BICDL1: variants seen among roughly 807,000 people sequenced by gnomAD.
BICDL1 encodes the protein BICD family like cargo adaptor 1.
A neutral mutation model predicts 76.8 loss-of-function variants in BICDL1; 20 were observed. That is an observed-to-expected ratio of 0.26 (90% CI 0.18 to 0.38). The LOEUF (loss-of-function observed/expected upper bound fraction) is 0.38, where lower values mean the gene tolerates loss of function less well. BICDL1 is among the 10% of genes least tolerant of loss of function. The pLI is 1.00. For synonymous variants in BICDL1, 383 were observed against 337.1 expected (o/e 1.14, Z -1.49); for missense variants, 700 against 798.6 (o/e 0.88, Z 1.49).
At chr12:120,078,063 C>A (rs893076972) in intron 7 of BICDL1, among the ~76,000 whole-genome samples, 2 of 152,210 alleles carry the variant, frequency 1.3e-5, no homozygotes, top group African/African-American at 4.8e-5. Flanking sequence ...GCCTTCTCCC[C>A]AGCTTTCTCT....
rs372486637 is a variant in BICDL1 at position 120,072,584 on chromosome 12, C to G, written c.1163C>G (p.Ala388Gly). The G allele has an allele frequency of 1.2e-6, 2 of 1,614,108 alleles. No homozygotes were observed. The highest frequency in any genetic ancestry group is 1.7e-6 in the Non-Finnish European group (2 of 1,180,044). The part of the protein sequence containing the change: ...LCSHLRGNDS[A>G]DSAVSTDSSM... The stretch of plus-strand genomic sequence containing the variant: ...TCACACCTTCGAGGCAATGACAGTG[C>G]TGACTCAGCCGTCTCCACGGACTCC... The change falls in exon 6 of 10, where the codon GCT becomes GGT. Residue 388 changes from alanine to glycine, a missense_variant. Ala to Gly is a moderately conservative substitution (Grantham distance 60). This residue lies in a region of BICDL1 where 455 missense variants were observed against 548.7 expected (regional missense o/e 0.83). Transcript: ENST00000548673.
chr12:120,044,490 C>A (rs534605797), intron 2 of BICDL1, among the ~76,000 whole-genome samples: 2 of 152,200 alleles, frequency 1.3e-5, no homozygotes, highest in Non-Finnish European at 2.9e-5. Flanking sequence ...TTAAAGTTTG[C>A]TGAGTAGAAT....
At position 120,027,592 on chromosome 12, in the gene BICDL1, C is replaced by T. The variant is rs930567895; in HGVS notation, c.645+28856C>T. Among the ~76,000 whole-genome samples the T allele has an allele frequency of 1.8e-4, 27 of 152,136 alleles. 1 individual carries two copies. Among genetic ancestry groups the T allele is most frequent in the Admixed American group, 1.2e-3 (19 of 15,264 alleles). The stretch of plus-strand genomic sequence containing the variant: ...CCCAAAGTTGATCATCCGGGTCCTG[C>T]GCAAACTCATACTGTTGTCACTTTC... On this transcript the variant is annotated intron_variant, in intron 2 of 9. Coordinates refer to ENST00000548673, the MANE Select transcript of BICDL1 (RefSeq NM_001367886.1).
At chr12:120,026,931 GGT>G (rs1369186364) in intron 2 of BICDL1, among the ~76,000 whole-genome samples, 2 of 152,040 alleles carry the variant, frequency 1.3e-5, no homozygotes, top group African/African-American at 4.8e-5. Context: ...ATTAAACTGA[GGT>G]GGGAATTCCA....
In BICDL1 at chr12:120,072,489, ATAG is replaced by A; in HGVS notation, c.1090-19_1090-17del. The A allele has an allele frequency of 6.2e-7, 1 of 1,611,830 alleles. No homozygotes were observed. Among genetic ancestry groups the A allele is most frequent in the Non-Finnish European group, 8.5e-7 (1 of 1,177,936 alleles). On this transcript the variant is annotated intron_variant, in intron 5 of 9. Transcript: ENST00000548673. ...CAGTCTTCTCTAGAGTCTGAAATGA[ATAG>A]TAATTCTCTGTGGAACAGCTGAGAC...
At chr12:119,997,432 A>G (rs1951673630) in intron 1 of BICDL1, among the ~76,000 whole-genome samples, 2 of 152,318 alleles carry the variant, frequency 1.3e-5, no homozygotes, top group South Asian at 4.1e-4. Flanking sequence ...GAACGTCCCT[A>G]GGACTGTGCT....
At chr12:119,996,252 C>G (rs1043041146) in intron 1 of BICDL1, among the ~76,000 whole-genome samples, 5 of 152,170 alleles carry the variant, frequency 3.3e-5, no homozygotes, top group African/African-American at 1.2e-4. Flanking sequence ...TAATTTTCTA[C>G]TGCTGTTTTT....
chr12:120,064,947 A>G, intron 4 of BICDL1, 68 bp downstream of exon 4: 1 of 1,515,816 alleles, frequency 6.6e-7, no homozygotes, highest in Non-Finnish European at 8.8e-7. Flanking sequence ...CCAAAAAGAA[A>G]AGGCTGGGAG....
intron 2 of BICDL1, among the ~76,000 whole-genome samples, chr12:120,013,171 G>A (rs894254563): frequency 2.6e-5 from 4 of 151,914 alleles, no homozygotes; most frequent in South Asian, 2.1e-4. Flanking sequence ...AAAATTAGCC[G>A]GGTCTGGTGG....
intron 2 of BICDL1, among the ~76,000 whole-genome samples, chr12:120,028,187 T>C (rs1024663502): frequency 9.9e-5 from 15 of 152,230 alleles, no homozygotes; most frequent in African/African-American, 3.6e-4. Flanking sequence ...TCTGTCATTA[T>C]CTGGGACTAC....
chr12:120,021,942 AAAT>A (rs1952192931), intron 2 of BICDL1, among the ~76,000 whole-genome samples: 2 of 149,170 alleles, frequency 1.3e-5, no homozygotes, highest in African/African-American at 2.4e-5. Context: ...TAAAAAAATA[AAAT>A]AATAAAAATA....
At chr12:120,092,517 A>G in intron 9 of BICDL1, 2 of 985,430 alleles carry the variant, frequency 2.0e-6, no homozygotes, top group Non-Finnish European at 2.4e-6. Flanking sequence ...AATAATTGGA[A>G]AGGAAAAGGC....
At chr12:120,091,435 A>G (rs79941593) in intron 9 of BICDL1, 5 of 1,004,192 alleles carry the variant, frequency 5.0e-6, no homozygotes, top group East Asian at 1.0e-4. Context: ...GCATTCCTAC[A>G]TTGGATTTAG....
intron 3 of BICDL1, 80 bp from the exon 4 acceptor site, chr12:120,064,653 G>A: frequency 1.4e-6 from 2 of 1,417,274 alleles, no homozygotes; most frequent in Middle Eastern, 2.5e-4. Flanking sequence ...TTGCCTTCAT[G>A]TTTTGGGGCT....
chr12:119,994,494 ACT>A (rs1023218513), intron 1 of BICDL1, among the ~76,000 whole-genome samples: 65 of 148,212 alleles, frequency 4.4e-4, no homozygotes, highest in East Asian at 5.9e-4. Flanking sequence ...TTTTAAATAG[ACT>A]CTTTTTTTTT....
chr12:120,040,094 C>T (rs1319466025), intron 2 of BICDL1, among the ~76,000 whole-genome samples: 2 of 149,464 alleles, frequency 1.3e-5, no homozygotes, highest in African/African-American at 5.1e-5. Context: ...ATTTCTTTTT[C>T]TTTTCTTTTC....
At chr12:120,061,667 T>A (rs1242249714) in intron 2 of BICDL1, 43 bp from the exon 3 acceptor site, 2 of 1,356,790 alleles carry the variant, frequency 1.5e-6, no homozygotes, top group South Asian at 2.3e-5. Context: ...AGAGTTCCTT[T>A]GCATAACCTC....
At chr12:120,086,826 G>C (rs1874452163) in intron 8 of BICDL1, among the ~76,000 whole-genome samples, 1 of 152,230 alleles carries the variant, frequency 6.6e-6, no homozygotes, top group Non-Finnish European at 1.5e-5. Flanking sequence ...TGTTGATCCT[G>C]GTCTGGGGTT....
chr12:120,081,414 C>T (rs1873980779), intron 8 of BICDL1, among the ~76,000 whole-genome samples: 1 of 145,372 alleles, frequency 6.9e-6, no homozygotes, highest in African/African-American at 2.6e-5. Flanking sequence ...TGCGATGGCG[C>T]GATCTCAGCT....
Sources: allele counts gnomAD v4.1 joint callset (sites outside exome capture counted in the v4.1 genomes callset), GRCh38; gene constraint gnomAD v4.1.1; regional missense constraint gnomAD v4.1.1; transcripts MANE v1.5; gene names NCBI Gene and HGNC (gene_info 2026-07-23, HGNC 2026-07-21).